LPP: variants seen among roughly 807,000 people sequenced by gnomAD.
LPP encodes LIM domain containing preferred translocation partner in lipoma, also known as lipoma-preferred partner.
A neutral mutation model predicts 60.4 loss-of-function variants in LPP; 38 were observed. That is an observed-to-expected ratio of 0.63 (90% CI 0.49 to 0.83). The LOEUF (loss-of-function observed/expected upper bound fraction) is 0.83, where lower values mean the gene tolerates loss of function less well. LPP is among the 40% of genes least tolerant of loss of function. The pLI is 0.00. For missense variants in LPP, 902 were observed against 783.6 expected (o/e 1.15, Z -1.80); for synonymous variants, 328 against 290.8 (o/e 1.13, Z -1.30).
chr3:188,689,803 C>T (rs754514210), intron 7 of LPP, among the ~76,000 whole-genome samples: 86 of 152,234 alleles, frequency 5.6e-4, no homozygotes, highest in Non-Finnish European at 1.1e-3. Context: ...ATCCATATAG[C>T]TTATTATGCT....
intron 2 of LPP, among the ~76,000 whole-genome samples, chr3:188,253,569 A>G (rs1313576613): frequency 2.0e-5 from 3 of 152,112 alleles, no homozygotes. Flanking sequence ...TGTGAAGGAG[A>G]ATGATGGTAA....
At chr3:188,756,191 A>C (rs1011174102) in intron 8 of LPP, among the ~76,000 whole-genome samples, 4 of 152,216 alleles carry the variant, frequency 2.6e-5, no homozygotes, top group African/African-American at 7.2e-5. Context: ...AAGGATAAGA[A>C]GAATTGTTGG....
chr3:188,277,865 T>A (rs762663941), intron 2 of LPP, among the ~76,000 whole-genome samples: 1 of 152,218 alleles, frequency 6.6e-6, no homozygotes, highest in Non-Finnish European at 1.5e-5. Context: ...TGACCATCCC[T>A]GGCTATTGTC....
rs1011905617 is a variant in LPP, at chr3:188,471,357, G to C, written c.194-13235G>C. On this transcript the variant is annotated intron_variant, in intron 4 of 11. Transcript: ENST00000617246. Reference sequence around the variant, plus strand: ...TATCAAATACATTGGAAAAACCTGGGTCAGGAAGAATGTTGACTATCTGGG... The same window carrying C: ...TATCAAATACATTGGAAAAACCTGGCTCAGGAAGAATGTTGACTATCTGGG... Among the ~76,000 whole-genome samples the C allele has an allele frequency of 3.3e-5, 5 of 152,182 alleles. No homozygotes were observed. The East Asian group carries it at 9.6e-4, about 29-fold the overall frequency.
intron 6 of LPP, among the ~76,000 whole-genome samples, chr3:188,551,466 C>G (rs77387289): frequency 1.4e-3 from 217 of 152,288 alleles, no homozygotes; most frequent in African/African-American, 5.1e-3. Context: ...TGCTTATATA[C>G]TATCTATTAT....
intron 3 of LPP, among the ~76,000 whole-genome samples, chr3:188,368,717 C>CAGAGAGAG (rs1560306669): frequency 9.5e-6 from 1 of 105,604 alleles, no homozygotes; most frequent in African/African-American, 3.0e-5. Context: ...CACACACACA[C>CAGAGAGAG]ACAGAGAGAG....
At chr3:188,361,549 CTCCT>C (rs1769389389) in intron 3 of LPP, among the ~76,000 whole-genome samples, 1 of 121,424 alleles carries the variant, frequency 8.2e-6, no homozygotes, top group Non-Finnish European at 1.8e-5. Flanking sequence ...CTCCTCCCCT[CTCCT>C]CTCCTCTCCT....
intron 1 of LPP, among the ~76,000 whole-genome samples, chr3:188,214,846 C>T (rs963398299): frequency 2.0e-5 from 3 of 152,176 alleles, no homozygotes; most frequent in Non-Finnish European, 4.4e-5. Context: ...TGAATAAGGA[C>T]AGCTGACAAG....
chr3:188,606,881 T>C (rs1163979215), intron 6 of LPP, among the ~76,000 whole-genome samples: 2 of 152,060 alleles, frequency 1.3e-5, no homozygotes, highest in Admixed American at 6.6e-5. Context: ...AGAGTTCCTA[T>C]TTTGAACACT....
rs1260656926 is a variant in LPP at position 188,592,557 on chromosome 3, G to GTTTGTTTTTTTTTTTTTTTTTTTTTT, written c.430-16601_430-16600insGTTTTTTTTTTTTTTTTTTTTTTTTT. On this transcript the variant is annotated intron_variant, in intron 6 of 11. Transcript: ENST00000617246. ...TATCACTGTTTTTAGTTTTGTTTTTGTTTTTTAAATGGAGTCTCACTCTTT... is the reference window on the plus strand; with the variant it reads ...TATCACTGTTTTTAGTTTTGTTTTTGTTTGTTTTTTTTTTTTTTTTTTTTTTTTTTTTAAATGGAGTCTCACTCTTT... Among the ~76,000 whole-genome samples the GTTTGTTTTTTTTTTTTTTTTTTTTTT allele has an allele frequency of 1.3e-3, 111 of 85,712 alleles. 6 individuals are homozygous for GTTTGTTTTTTTTTTTTTTTTTTTTTT. The highest frequency in any genetic ancestry group is 2.4e-3 in the African/African-American group (53 of 22,120). The allele number at this position is 85,712 out of a possible 152,430, so 56.2% of individuals were successfully genotyped here. A position where few individuals can be genotyped will look rare whatever the true frequency, so the allele number is the denominator to read the frequency against.
intron 6 of LPP, among the ~76,000 whole-genome samples, chr3:188,532,787 A>G (rs755595395): frequency 7.2e-5 from 11 of 152,210 alleles, no homozygotes; most frequent in Non-Finnish European, 7.3e-5. Context: ...GATGGCTCAA[A>G]GCAACAGCTC....
chr3:188,694,519 A>G (rs7638711), intron 7 of LPP, among the ~76,000 whole-genome samples: 74,873 of 151,570 alleles, frequency 0.49, 19,882 homozygotes, highest in Non-Finnish European at 0.62. Flanking sequence ...CCTGACCAAC[A>G]TGGAGAAACC....
intron 7 of LPP, among the ~76,000 whole-genome samples, chr3:188,638,189 G>A (rs559263851): frequency 0.11 from 13,104 of 118,150 alleles, 1,044 homozygotes; most frequent in Middle Eastern, 0.27. Flanking sequence ...CTTCATCCCT[G>A]GGATGCAAGG....
chr3:188,438,026 T>A (rs1420647858), intron 4 of LPP, among the ~76,000 whole-genome samples: 5 of 152,150 alleles, frequency 3.3e-5, no homozygotes, highest in African/African-American at 1.2e-4. Context: ...ATGGACAGGC[T>A]ATTTTTCTTG....
At chr3:188,799,927 G>A (rs1018892800) in intron 9 of LPP, among the ~76,000 whole-genome samples, 1 of 152,108 alleles carries the variant, frequency 6.6e-6, no homozygotes, top group Non-Finnish European at 1.5e-5. Flanking sequence ...ACTAGCAGTT[G>A]GCATATTTCC....
chr3:188,388,212 C>A (rs973172345), intron 3 of LPP, among the ~76,000 whole-genome samples: 1 of 152,128 alleles, frequency 6.6e-6, no homozygotes, highest in African/African-American at 2.4e-5. Flanking sequence ...TTTTTACTCA[C>A]ATGAAGGACT....
At chr3:188,791,441 C>T (rs780441098) in intron 9 of LPP, among the ~76,000 whole-genome samples, 85 of 152,150 alleles carry the variant, frequency 5.6e-4, no homozygotes, top group Middle Eastern at 3.4e-3. Flanking sequence ...TTCTGTTTCT[C>T]TTGTTTATGC....
intron 6 of LPP, among the ~76,000 whole-genome samples, chr3:188,537,654 A>C (rs1314133083): frequency 1.3e-5 from 2 of 152,182 alleles, no homozygotes; most frequent in Non-Finnish European, 2.9e-5. Flanking sequence ...GCAAGATGTA[A>C]TATTGTTAAG....
intron 2 of LPP, among the ~76,000 whole-genome samples, chr3:188,323,887 C>T (rs1312569960): frequency 6.6e-6 from 1 of 152,188 alleles, no homozygotes; most frequent in Non-Finnish European, 1.5e-5. Flanking sequence ...CCAGCTGAAG[C>T]AGGAATGATT....
Sources: allele counts gnomAD v4.1 joint callset (sites outside exome capture counted in the v4.1 genomes callset), GRCh38; gene constraint gnomAD v4.1.1; transcripts MANE v1.5; gene names NCBI Gene and HGNC (gene_info 2026-07-23, HGNC 2026-07-21).